SUGCT: variants seen among roughly 807,000 people sequenced by gnomAD.
The protein encoded by SUGCT is succinyl-CoA:glutarate-CoA transferase, also known as succinyl-CoA:glutarate CoA-transferase.
A neutral mutation model predicts 55.0 loss-of-function variants in SUGCT; 41 were observed. The ratio of observed to expected loss-of-function variants is 0.74; its 90% CI spans 0.58 to 0.97. SUGCT has a LOEUF of 0.97. SUGCT is among the 50% of genes least tolerant of loss of function. SUGCT has a pLI of 0.00. For missense variants in SUGCT, 568 were observed against 547.8 expected, an observed-to-expected ratio of 1.04 and a Z score of -0.37; for synonymous variants, 187 against 200.4, an observed-to-expected ratio of 0.93 and a Z score of 0.56.
chr7:40,478,280 A>G (rs1045741895), intron 11 of SUGCT, among the ~76,000 whole-genome samples: 2 of 152,172 alleles, frequency 1.3e-5, no homozygotes, highest in African/African-American at 2.4e-5. Context: ...CACTGGAATT[A>G]TGGGCATGAG....
the SUGCT span, among the ~76,000 whole-genome samples, chr7:41,023,479 A>G: frequency 6.6e-6 from 1 of 152,136 alleles, no homozygotes; most frequent in Non-Finnish European, 1.5e-5. Flanking sequence ...ATAAAGAAAA[A>G]ATAAAAATAT....
At chr7:40,997,245 G>A in the SUGCT span, among the ~76,000 whole-genome samples, 5 of 152,078 alleles carry the variant, frequency 3.3e-5, no homozygotes, top group East Asian at 1.9e-4. Flanking sequence ...CATTAGCCAC[G>A]AAGTCCCACT....
chr7:40,935,862 G>T, the SUGCT span, among the ~76,000 whole-genome samples: 2 of 152,104 alleles, frequency 1.3e-5, no homozygotes, highest in Non-Finnish European at 2.9e-5. Flanking sequence ...AATCTCACCA[G>T]CAGTTTATAT....
chr7:40,191,968 C>T (rs979675051), intron 5 of SUGCT, among the ~76,000 whole-genome samples: 6 of 151,854 alleles, frequency 4.0e-5, no homozygotes, highest in African/African-American at 9.7e-5. Flanking sequence ...ATTAGCTGGG[C>T]GTGTTGGTGC....
chr7:40,960,335 A>G, the SUGCT span, among the ~76,000 whole-genome samples: 1 of 152,194 alleles, frequency 6.6e-6, no homozygotes, highest in Non-Finnish European at 1.5e-5. Context: ...GTGACTTCCA[A>G]TATGTAGATT....
chr7:40,852,365 T>C lies in SUGCT; in HGVS notation c.1154-7951T>C, dbSNP rs78135129. On this transcript the variant is annotated intron_variant, in intron 13 of 13. Transcript: ENST00000335693. ...ACCATTCCAGTCAAGGCTGCCATCA[T>C]CTCTTATGATCTACCCACAACAACC... Among the ~76,000 whole-genome samples, 22 of 152,264 alleles carry C rather than the reference T, an allele frequency of 1.4e-4. No homozygotes were observed. In the East Asian group the frequency reaches 4.2e-3, roughly 29 times the overall value.
chr7:40,745,572 T>C (rs1277443788), intron 12 of SUGCT, among the ~76,000 whole-genome samples: 1 of 152,232 alleles, frequency 6.6e-6, no homozygotes, highest in African/African-American at 2.4e-5. Flanking sequence ...ATAGGCCTGA[T>C]ACTTTGCTAA....
chr7:40,525,165 A>G (rs1013933493), intron 12 of SUGCT, among the ~76,000 whole-genome samples: 1 of 152,162 alleles, frequency 6.6e-6, no homozygotes, highest in Non-Finnish European at 1.5e-5. Flanking sequence ...GCTTTAATTT[A>G]TTCTCTGCTT....
At chr7:40,651,052 C>T (rs1301072713) in intron 12 of SUGCT, among the ~76,000 whole-genome samples, 6 of 152,168 alleles carry the variant, frequency 3.9e-5, no homozygotes, top group Admixed American at 6.5e-5. Context: ...GACATGATCT[C>T]GTTCCTTTTT....
rs911182586 is a variant in SUGCT at position 40,519,378 on chromosome 7, T to C, written c.1089+22992T>C. Among the ~76,000 whole-genome samples, 3 of 152,108 alleles carry C rather than the reference T, an allele frequency of 2.0e-5. No individual in the cohort carries two copies. The South Asian group carries it at 6.2e-4, about 32-fold the overall frequency. ...TTTCTTAGTTTTGGCAATTGTACCATGGTTATGTGAGATGCTTGCATTAGA... is the reference window on the plus strand; with the variant it reads ...TTTCTTAGTTTTGGCAATTGTACCACGGTTATGTGAGATGCTTGCATTAGA... On this transcript the variant is annotated intron_variant, in intron 12 of 13. Transcript: ENST00000335693.
intron 1 of SUGCT, chr7:40,153,661 T>C (rs1370325999): frequency 5.8e-6 from 3 of 521,710 alleles, no homozygotes; most frequent in South Asian, 1.4e-5. Flanking sequence ...GCAATACCAA[T>C]AGAGGGGACT....
At chr7:40,736,882 G>A (rs1007627336) in intron 12 of SUGCT, among the ~76,000 whole-genome samples, 1 of 152,042 alleles carries the variant, frequency 6.6e-6, no homozygotes, top group Non-Finnish European at 1.5e-5. Context: ...CTATTCTACA[G>A]GAAGAGAGAA....
In SUGCT at chr7:40,200,134, A is replaced by C. The variant is rs989057981; in HGVS notation, c.484+5074A>C. On this transcript the variant is annotated intron_variant, in intron 6 of 13. Coordinates refer to ENST00000335693, the MANE Select transcript of SUGCT (RefSeq NM_001193313.2). ...GAATAAAAGATTCAGAAATGCCCAA[A>C]TAGCTCCCCTCCTTATTTCCTTCCT... Among the ~76,000 whole-genome samples the C allele has an allele frequency of 2.0e-5, 3 of 152,234 alleles. No homozygotes were observed. The South Asian group carries it at 6.2e-4, about 32-fold the overall frequency.
chr7:40,624,065 G>A (rs1396187405), intron 12 of SUGCT, among the ~76,000 whole-genome samples: 2 of 152,188 alleles, frequency 1.3e-5, no homozygotes, highest in African/African-American at 4.8e-5. Flanking sequence ...GCTAATTTCT[G>A]TTGTGTGTCA....
intron 13 of SUGCT, among the ~76,000 whole-genome samples, chr7:40,771,747 C>T (rs1453487746): frequency 6.6e-6 from 1 of 152,080 alleles, no homozygotes; most frequent in Non-Finnish European, 1.5e-5. Flanking sequence ...AAAAGACATT[C>T]TGGCTCTTAA....
intron 12 of SUGCT, among the ~76,000 whole-genome samples, chr7:40,739,233 C>A (rs12701828): frequency 0.17 from 26,536 of 152,060 alleles, 2,669 homozygotes; most frequent in Non-Finnish European, 0.23. Context: ...TAGCCACATG[C>A]ACCTCCCTTC....
At chr7:40,460,493 T>C (rs913613906) in intron 11 of SUGCT, among the ~76,000 whole-genome samples, 1 of 152,250 alleles carries the variant, frequency 6.6e-6, no homozygotes, top group Non-Finnish European at 1.5e-5. Flanking sequence ...ATATAATTAA[T>C]TGATAAAGCT....
intron 6 of SUGCT, among the ~76,000 whole-genome samples, chr7:40,195,896 T>G (rs1786260494): frequency 1.3e-5 from 2 of 151,840 alleles, no homozygotes; most frequent in African/African-American, 4.8e-5. Flanking sequence ...GTATTTTTAG[T>G]AGAGACAGTG....
chr7:40,227,289 T>C (rs1788433921), intron 6 of SUGCT, among the ~76,000 whole-genome samples: 1 of 151,982 alleles, frequency 6.6e-6, no homozygotes, highest in African/African-American at 2.4e-5. Context: ...CCTCAAGTGA[T>C]CCACCCCCGC....
Sources: gnomAD v4.1 joint callset for allele counts (sites outside exome capture counted in the v4.1 genomes callset) on GRCh38, gnomAD v4.1.1 for gene constraint, MANE v1.5 for transcripts, NCBI Gene and HGNC (gene_info 2026-07-23, HGNC 2026-07-21) for gene names.